GLB1: variants seen among roughly 807,000 people sequenced by gnomAD.
GLB1 encodes the protein beta-galactosidase.
GLB1 carries 56 observed loss-of-function variants against 74.0 expected under a neutral mutation model. The ratio of observed to expected loss-of-function variants is 0.76; its 90% CI spans 0.61 to 0.94. The LOEUF is 0.94. Among genes scored for constraint, GLB1 ranks in the 40% least tolerant of loss-of-function variants. The pLI, the probability that GLB1 is intolerant of heterozygous loss-of-function variation, is 0.00. For synonymous variants in GLB1, 323 were observed against 323.6 expected (o/e 1.00, Z 0.02); for missense variants, 787 against 845.5 (o/e 0.93, Z 0.86).
At chr3:32,971,248 A>G in the GLB1 span, among the ~76,000 whole-genome samples, 1 of 152,222 alleles carries the variant, frequency 6.6e-6, no homozygotes, top group Non-Finnish European at 1.5e-5. Flanking sequence ...TTTTTGGTCT[A>G]TAGGACAGAC....
In GLB1 at chr3:33,000,263, G is replaced by T. The variant is rs540709530; in HGVS notation, c.1735-2919C>A. Among the ~76,000 whole-genome samples the T allele has an allele frequency of 1.8e-4, 27 of 152,258 alleles. No homozygotes were observed. In the South Asian group the frequency reaches 3.9e-3, roughly 22 times the overall value. On this transcript the variant is annotated intron_variant, in intron 15 of 15. Transcript: ENST00000307363. Reference sequence around the variant, plus strand: ...GCCATGCACATGTTTCTTACAGGAGGGGAATGCTAGGAATGGAATTGCTGG... The same window carrying T: ...GCCATGCACATGTTTCTTACAGGAGTGGAATGCTAGGAATGGAATTGCTGG...
At chr3:33,004,640 C>A (rs779506465) in intron 15 of GLB1, among the ~76,000 whole-genome samples, 9 of 152,216 alleles carry the variant, frequency 5.9e-5, no homozygotes, top group Non-Finnish European at 1.2e-4. Flanking sequence ...GAGAAGACAC[C>A]TGTGAGCACT....
chr3:33,073,763 C>T (rs955086894), intron 1 of GLB1, among the ~76,000 whole-genome samples: 1 of 152,058 alleles, frequency 6.6e-6, no homozygotes. Context: ...AATGCTAGCA[C>T]TTTGAGAGGC....
Position 33,068,949 on chromosome 3 carries a change from A to G in GLB1, c.267T>C (p.His89=). 2 of 1,614,208 alleles carry G rather than the reference A, an allele frequency of 1.2e-6. No individual in the cohort carries two copies. Among genetic ancestry groups the G allele is most frequent in the African/African-American group, 1.3e-5 (1 of 75,056 alleles). ...AIQTYVPWNF[H]EPWPGQYQFS... is the part of the protein sequence containing the mutation. ...ACTGGTACTGTCCTGGCCAGGGCTC[A>G]TGAAAGTTCCAGGGCACATACCTGC... Residue 89 remains histidine (H), a synonymous_variant, in exon 3 of 16, where the codon CAT becomes CAC. Coordinates refer to ENST00000307363, the MANE Select transcript of GLB1 (RefSeq NM_000404.4).
chr3:33,037,075 T>C (rs1333104497), intron 10 of GLB1, among the ~76,000 whole-genome samples: 2 of 152,046 alleles, frequency 1.3e-5, no homozygotes, highest in East Asian at 3.9e-4. Flanking sequence ...AGACAGAGTC[T>C]TGCTCTGTCA....
intron 13 of GLB1, among the ~76,000 whole-genome samples, 163 bp downstream of exon 13, chr3:33,018,285 C>CAAAAAAAAAAAAAAAAAAAAA (rs57833238): frequency 4.8e-5 from 2 of 41,992 alleles, no homozygotes; most frequent in Non-Finnish European, 7.5e-5. Flanking sequence ...AACCCTGTCT[C>CAAAAAAAAAAAAAAAAAAAAA]AAAAAAAAAA....
intron 4 of GLB1, among the ~76,000 whole-genome samples, chr3:33,067,574 C>A (rs1699736463): frequency 6.6e-6 from 1 of 152,186 alleles, no homozygotes; most frequent in South Asian, 2.1e-4. Flanking sequence ...AGTCACCATG[C>A]CTGACTTGTC....
intron 5 of GLB1, among the ~76,000 whole-genome samples, chr3:33,061,176 T>C (rs1019040627): frequency 5.3e-5 from 8 of 152,156 alleles, no homozygotes; most frequent in Admixed American, 1.3e-4. Context: ...TTTGGGAGGC[T>C]GAGGCGGGTG....
At chr3:32,993,513 A>G (rs1437695020), downstream of GLB1, among the ~76,000 whole-genome samples, 29 of 137,132 alleles carry the variant, frequency 2.1e-4, 1 homozygote, top group Non-Finnish European at 1.5e-5. Flanking sequence ...GCACCACCAC[A>G]TCCAGCTAAT....
chr3:33,042,019 C>T (rs191742178), intron 10 of GLB1, among the ~76,000 whole-genome samples: 1 of 150,382 alleles, frequency 6.6e-6, no homozygotes, highest in Non-Finnish European at 1.5e-5. Flanking sequence ...TAGAGTCACC[C>T]GACTCTCCTC....
chr3:33,018,177 T>C (rs546221700), intron 13 of GLB1, among the ~76,000 whole-genome samples: 1 of 151,510 alleles, frequency 6.6e-6, no homozygotes, highest in East Asian at 1.9e-4. Flanking sequence ...TCTCAGCTAC[T>C]TGGGAGGCCG....
At chr3:33,057,938 G>T (rs1699285881) in intron 6 of GLB1, 151 bp downstream of exon 6, 12 of 1,042,780 alleles carry the variant, frequency 1.2e-5, no homozygotes, top group Non-Finnish European at 1.7e-5. Flanking sequence ...TTACTGAGGG[G>T]TGCAAGTATT....
intron 10 of GLB1, among the ~76,000 whole-genome samples, chr3:33,039,894 C>T (rs1388262013): frequency 6.6e-6 from 1 of 152,026 alleles, no homozygotes; most frequent in African/African-American, 2.4e-5. Context: ...AGACCTATAC[C>T]ATCAAAGGAA....
At chr3:33,021,495 A>G in intron 12 of GLB1, 71 bp downstream of exon 12, 1 of 1,522,786 alleles carries the variant, frequency 6.6e-7, no homozygotes, top group Non-Finnish European at 9.0e-7. Context: ...CAGAATGGGC[A>G]CTGCAAGGCA....
At position 33,077,233 on chromosome 3, in the gene GLB1, C is replaced by T. The variant is rs9865232; in HGVS notation, c.76-4520G>A. ...CAGATGAAAAGCCCAAGGAAGGAAT[C>T]GAGACTGAGAACAAAGATCATATTA... On this transcript the variant is annotated intron_variant, in intron 1 of 15. Coordinates refer to ENST00000307363, the MANE Select transcript of GLB1 (RefSeq NM_000404.4). 6.1e-4 allele frequency: 952 copies of T among 1,549,430 alleles called. 6 individuals carry two copies. The African/African-American group carries it at 9.9e-3, about 16-fold the overall frequency.
chr3:33,023,544 A>ATAGG (rs745838254), intron 11 of GLB1, among the ~76,000 whole-genome samples: 8 of 152,266 alleles, frequency 5.3e-5, no homozygotes, highest in Middle Eastern at 3.4e-3. Context: ...TTCTTAAGAA[A>ATAGG]TAGGTAACGG....
At chr3:33,092,279 T>A (rs1700796737) in intron 1 of GLB1, 2 of 986,566 alleles carry the variant, frequency 2.0e-6, no homozygotes, top group Non-Finnish European at 2.4e-6. Context: ...ATAGAGGTGA[T>A]CCTGATAGAA....
Position 33,091,934 on chromosome 3 carries a change from G to T in GLB1, c.75+5077C>A, listed in dbSNP as rs1011451925. ...GCAAAAGCACCGCTTTTACTGGGAG[G>T]TACAAGACCTGGTTTCTAGCCCCAA... On this transcript the variant is annotated intron_variant, in intron 1 of 15. Coordinates refer to ENST00000307363, the MANE Select transcript of GLB1 (RefSeq NM_000404.4). The T allele has an allele frequency of 7.1e-6, 7 of 985,208 alleles. No individual in the cohort carries two copies. In the African/African-American group the frequency reaches 1.2e-4, roughly 17 times the overall value. The allele number at this position is 985,208 out of a possible 1,614,324, so 61.0% of individuals were successfully genotyped here. A position where few individuals can be genotyped will look rare whatever the true frequency, so the allele number is the denominator to read the frequency against.
chr3:32,985,290 TTTA>T, the GLB1 span, among the ~76,000 whole-genome samples: 3 of 152,016 alleles, frequency 2.0e-5, no homozygotes, highest in African/African-American at 4.8e-5. Flanking sequence ...ACTTTATATT[TTTA>T]TTATTATTAT....
Sources: gnomAD v4.1 joint callset for allele counts (sites outside exome capture counted in the v4.1 genomes callset) on GRCh38, gnomAD v4.1.1 for gene constraint, MANE v1.5 for transcripts, NCBI Gene and HGNC (gene_info 2026-07-23, HGNC 2026-07-21) for gene names.